The following GSG1L variants were observed in gnomAD, a reference collection of about 807,000 sequenced individuals.
The protein encoded by GSG1L is GSG1 like, also known as germ cell-specific gene 1-like protein.
Under a neutral mutation model 42.1 loss-of-function variants are expected in GSG1L, and 24 were observed. That is an observed-to-expected ratio of 0.57 (90% CI 0.41 to 0.80). The LOEUF (loss-of-function observed/expected upper bound fraction) is 0.80, where lower values mean the gene tolerates loss of function less well. Ranked by LOEUF, GSG1L falls within the 30% of genes least tolerant of loss-of-function variation. The pLI is 0.00. For synonymous variants in GSG1L, 215 were observed against 203.5 expected, an observed-to-expected ratio of 1.06 and a Z score of -0.48; for missense variants, 445 against 472.2, an observed-to-expected ratio of 0.94 and a Z score of 0.53.
chr16:27,872,039 A>T (rs1172739478), intron 3 of GSG1L, among the ~76,000 whole-genome samples: 1 of 152,236 alleles, frequency 6.6e-6, no homozygotes, highest in African/African-American at 2.4e-5. Flanking sequence ...GCTGTCTAAA[A>T]TTTTTTGAAT....
chr16:27,869,417 T>C (rs1403020435), intron 3 of GSG1L, among the ~76,000 whole-genome samples: 1 of 151,140 alleles, frequency 6.6e-6, no homozygotes, highest in Non-Finnish European at 1.5e-5. Flanking sequence ...TCCTCCTTTT[T>C]CTCTCACTTC....
At chr16:27,882,119 G>A (rs535593967) in intron 3 of GSG1L, among the ~76,000 whole-genome samples, 3 of 152,202 alleles carry the variant, frequency 2.0e-5, no homozygotes, top group South Asian at 2.1e-4. Flanking sequence ...TCATGGGGGC[G>A]GGTCTTTCTC....
At chr16:27,946,647 GAAAGAAAGA>G (rs796629564) in intron 2 of GSG1L, among the ~76,000 whole-genome samples, 2,730 of 20,756 alleles carry the variant, frequency 0.13, 156 homozygotes, top group African/African-American at 0.23. Context: ...AAGAAAGAAA[GAAAGAAAGA>G]AAAGAAAGAA....
chr16:28,018,941 G>A (rs1296235427), intron 1 of GSG1L, among the ~76,000 whole-genome samples: 1 of 152,166 alleles, frequency 6.6e-6, no homozygotes, highest in Non-Finnish European at 1.5e-5. Context: ...CTCAGATGAA[G>A]GAAGTCAGCA....
intron 3 of GSG1L, among the ~76,000 whole-genome samples, chr16:27,854,560 C>T (rs1343629659): frequency 1.3e-5 from 2 of 152,218 alleles, no homozygotes; most frequent in East Asian, 1.9e-4. Flanking sequence ...GGACACCTTG[C>T]GAGTTGGGCC....
Position 28,055,965 on chromosome 16 carries a change from C to G in GSG1L, c.349+7111G>C, listed in dbSNP as rs998832374. 2.0e-5 allele frequency among the ~76,000 whole-genome samples: 3 copies of G among 151,982 alleles called. No individual in the cohort carries two copies. In the East Asian group the frequency reaches 5.8e-4, roughly 29 times the overall value. On this transcript the variant is annotated intron_variant, in intron 1 of 6. Coordinates refer to ENST00000447459, the MANE Select transcript of GSG1L (RefSeq NM_001109763.2). Reference sequence around the variant, plus strand: ...CCCCACAGGATCCCACTAAACACCTCTCCTTGGAAATAAACCAAGAGAGGG... The same window carrying G: ...CCCCACAGGATCCCACTAAACACCTGTCCTTGGAAATAAACCAAGAGAGGG...
chr16:28,005,863 C>T (rs538418695), intron 1 of GSG1L, among the ~76,000 whole-genome samples: 38 of 152,326 alleles, frequency 2.5e-4, no homozygotes, highest in African/African-American at 8.2e-4. Flanking sequence ...AAAACGTCCA[C>T]GCTTTAATCT....
rs571849688 is a variant in GSG1L, at chr16:28,026,234, G to A, written c.349+36842C>T. 2.6e-5 allele frequency among the ~76,000 whole-genome samples: 4 copies of A among 152,286 alleles called. No homozygotes were observed. The South Asian group carries it at 8.3e-4, about 32-fold the overall frequency. On this transcript the variant is annotated intron_variant, in intron 1 of 6. Transcript: ENST00000447459. ...GCAAGATCTTGCAGGTCCAGCACCC[G>A]GTATATCACGGGAGCTCAGTCACTG...
chr16:27,988,636 T>C lies in GSG1L; in HGVS notation c.350-25433A>G, dbSNP rs566544433. On this transcript the variant is annotated intron_variant, in intron 1 of 6. Coordinates refer to ENST00000447459, the MANE Select transcript of GSG1L (RefSeq NM_001109763.2). Reference sequence around the variant, plus strand: ...AGGGTTTTATTAAAATTAGCTTTTGTATTGATAATACACTAATATAAAAGT... The same window carrying C: ...AGGGTTTTATTAAAATTAGCTTTTGCATTGATAATACACTAATATAAAAGT... Among the ~76,000 whole-genome samples the C allele has an allele frequency of 1.4e-4, 22 of 152,244 alleles. No homozygotes were observed. In the South Asian group the frequency reaches 1.7e-3, roughly 11 times the overall value.
chr16:27,890,925 G>T (rs2084117331), intron 2 of GSG1L, among the ~76,000 whole-genome samples: 1 of 152,140 alleles, frequency 6.6e-6, no homozygotes, highest in African/African-American at 2.4e-5. Context: ...GGCTGTGGAA[G>T]TGCGGCAGAC....
At chr16:28,006,328 A>ATTTAT (rs776935488) in intron 1 of GSG1L, among the ~76,000 whole-genome samples, 2 of 76,980 alleles carry the variant, frequency 2.6e-5, no homozygotes, top group African/African-American at 9.2e-5. Context: ...TATTTATTTA[A>ATTTAT]GACAGAGTCT....
intron 4 of GSG1L, among the ~76,000 whole-genome samples, chr16:27,844,641 T>G (rs1213708064): frequency 1.3e-5 from 2 of 152,228 alleles, no homozygotes; most frequent in African/African-American, 4.8e-5. Flanking sequence ...GAATTTCATG[T>G]AATTTTCACA....
At position 27,940,296 on chromosome 16, in the gene GSG1L, G is replaced by A. The variant is rs1449096901; in HGVS notation, c.397+22860C>T. 2.0e-5 allele frequency among the ~76,000 whole-genome samples: 3 copies of A among 150,714 alleles called. 1 individual carries two copies. The East Asian group carries it at 5.8e-4, about 29-fold the overall frequency. ...CAACCATTGTGGAAGTCAGTGTGGC[G>A]ATTCCTCAGGGATCTAGAACTAGAA... On this transcript the variant is annotated intron_variant, in intron 2 of 6. Coordinates refer to ENST00000447459, the MANE Select transcript of GSG1L (RefSeq NM_001109763.2).
chr16:27,921,438 C>A (rs1450377212), intron 2 of GSG1L, among the ~76,000 whole-genome samples: 1 of 152,196 alleles, frequency 6.6e-6, no homozygotes, highest in Non-Finnish European at 1.5e-5. Flanking sequence ...TATTTAAACT[C>A]CATAGCCTTA....
chr16:27,880,768 G>A (rs938703368), intron 3 of GSG1L, among the ~76,000 whole-genome samples: 20 of 152,064 alleles, frequency 1.3e-4, no homozygotes, highest in African/African-American at 4.1e-4. Context: ...ACAAACTTTT[G>A]TTTTGTGGCT....
intron 2 of GSG1L, among the ~76,000 whole-genome samples, chr16:27,935,506 G>A (rs977346595): frequency 1.1e-4 from 8 of 75,460 alleles, no homozygotes; most frequent in Non-Finnish European, 1.7e-4. Flanking sequence ...AGAGACAGAC[G>A]TGAAGAAGTC....
chr16:27,901,957 G>A (rs191164719), intron 2 of GSG1L, among the ~76,000 whole-genome samples: 11 of 152,306 alleles, frequency 7.2e-5, no homozygotes, highest in Admixed American at 4.6e-4. Flanking sequence ...TCACTTGGCC[G>A]GCTGCTTCCC....
chr16:28,056,540 G>T (rs2086281499), intron 1 of GSG1L, among the ~76,000 whole-genome samples: 1 of 90,862 alleles, frequency 1.1e-5, no homozygotes, highest in Non-Finnish European at 3.0e-5. Context: ...AATGGGTGCA[G>T]CACACCAATA....
chr16:27,841,837 TC>T (rs1567480668), intron 4 of GSG1L, among the ~76,000 whole-genome samples: 1 of 151,994 alleles, frequency 6.6e-6, no homozygotes, highest in African/African-American at 2.4e-5. Context: ...GAAAGAATGT[TC>T]CCCTGGCTGA....
Sources: allele counts gnomAD v4.1 joint callset (sites outside exome capture counted in the v4.1 genomes callset), GRCh38; gene constraint gnomAD v4.1.1; transcripts MANE v1.5; gene names NCBI Gene and HGNC (gene_info 2026-07-23, HGNC 2026-07-21).